The following LAMP5 variants were observed in gnomAD, a reference collection of about 807,000 sequenced individuals.
LAMP5 encodes lysosome-associated membrane glycoprotein 5.
In LAMP5, 36 loss-of-function variants were observed where a neutral mutation model predicts 30.2. That is an observed-to-expected ratio of 1.19 (90% confidence interval 0.91 to 1.57). The LOEUF is 1.57. LAMP5 is among the 40% of genes most tolerant of loss of function. LAMP5 has a pLI of 0.00. For synonymous variants in LAMP5, 149 were observed against 134.6 expected (o/e 1.11, Z -0.74); for missense variants, 377 against 354.9 (o/e 1.06, Z -0.50).
Position 9,515,995 on chromosome 20 carries a change from C to A in LAMP5, c.238-5C>A. ...TGAGGGGGCGCGGGGCGTCTGTGTT[C>A]CCAGCTGATCACAGAACAGGCCGAT... is the stretch of plus-strand genomic sequence containing the variant. On this transcript the variant is annotated splice_region_variant and splice_polypyrimidine_tract_variant and intron_variant, in intron 2 of 5. Coordinates refer to ENST00000246070, the MANE Select transcript of LAMP5 (RefSeq NM_012261.4). 6.6e-7 allele frequency: 1 copy of A among 1,504,472 alleles called. No homozygotes were observed. Among genetic ancestry groups the A allele is most frequent in the Non-Finnish European group, 8.9e-7 (1 of 1,129,118 alleles). The allele number at this position is 1,504,472 out of a possible 1,614,324, so 93.2% of individuals were successfully genotyped here.
intron 5 of LAMP5, 127 bp downstream of exon 5, chr20:9,518,355 T>C: frequency 1.4e-6 from 1 of 733,952 alleles, no homozygotes; most frequent in Admixed American, 2.8e-5. Flanking sequence ...ACTGCCTGCC[T>C]CTTTAATAAT....
chr20:9,527,864 A>C (rs969905935), intron 5 of LAMP5, among the ~76,000 whole-genome samples: 6 of 152,220 alleles, frequency 3.9e-5, no homozygotes, highest in African/African-American at 4.8e-5. Context: ...GCTGAAAAAT[A>C]AATCAACACT....
chr20:9,521,113 G>T (rs1167501720), intron 5 of LAMP5, among the ~76,000 whole-genome samples: 1 of 152,186 alleles, frequency 6.6e-6, no homozygotes, highest in Non-Finnish European at 1.5e-5. Flanking sequence ...TTTGTGAGAA[G>T]GGAAGCCCCT....
rs758094275 is a variant in LAMP5 at position 9,518,226 on chromosome 20, A to G, written c.662A>G (p.Glu221Gly). The G allele has an allele frequency of 6.2e-7, 1 of 1,613,890 alleles. No individual in the cohort carries two copies. Among genetic ancestry groups the G allele is most frequent in the African/African-American group, 1.3e-5 (1 of 74,910 alleles). Residue 221 changes from glutamate to glycine, a missense_variant and splice_region_variant, in exon 5 of 6, where the codon GAA becomes GGA. Physicochemically the swap from Glu to Gly is moderately conservative, Grantham distance 98. Transcript: ENST00000246070. Reference protein sequence around the residue: ...FDIISDFVFSEEHKCPVDERE... With the variant: ...FDIISDFVFSGEHKCPVDERE... ...ATTATCTCAGATTTTGTCTTCAGTGAAGGTAAGTTGTTGGGGGATGGAGGG... is the reference window on the plus strand; with the variant it reads ...ATTATCTCAGATTTTGTCTTCAGTGGAGGTAAGTTGTTGGGGGATGGAGGG...
intron 5 of LAMP5, among the ~76,000 whole-genome samples, chr20:9,524,284 T>G (rs1281521465): frequency 6.6e-6 from 1 of 152,132 alleles, no homozygotes; most frequent in East Asian, 1.9e-4. Flanking sequence ...GGGTCCTTAG[T>G]TTTATTATAC....
chr20:9,529,870 T>C lies in LAMP5; in HGVS notation c.*50T>C, dbSNP rs778454490. On this transcript the variant is annotated 3_prime_UTR_variant, in exon 6 of 6. Coordinates refer to ENST00000246070, the MANE Select transcript of LAMP5 (RefSeq NM_012261.4). ...TTCCTGCTCCCCCAACTGGATCAGG[T>C]AGAACAACAAAAGCACTTTTCCATC... is the stretch of plus-strand genomic sequence containing the variant. The C allele has an allele frequency of 1.3e-5, 20 of 1,568,260 alleles. No individual in the cohort carries two copies. Among genetic ancestry groups the C allele is most frequent in the South Asian group, 1.1e-5 (1 of 88,470 alleles).
intron 5 of LAMP5, among the ~76,000 whole-genome samples, chr20:9,528,323 C>T (rs1379877077): frequency 1.1e-4 from 16 of 145,628 alleles, no homozygotes; most frequent in African/African-American, 3.1e-4. Context: ...TGTGTGTGTG[C>T]GTGTGTGTGT....
intron 5 of LAMP5, among the ~76,000 whole-genome samples, chr20:9,521,437 A>G (rs2045079179): frequency 6.6e-6 from 1 of 152,196 alleles, no homozygotes; most frequent in South Asian, 2.1e-4. Context: ...AAATAATTGG[A>G]TGTGTAAAGA....
intron 2 of LAMP5, 105 bp from the exon 3 acceptor site, chr20:9,515,895 A>G: frequency 7.6e-7 from 1 of 1,311,210 alleles, no homozygotes; most frequent in Non-Finnish European, 1.0e-6. Flanking sequence ...CGCGCGCGCA[A>G]AGGAGCGCCC....
rs746132396 is a variant in LAMP5, at chr20:9,518,165, A to G, written c.601A>G (p.Met201Val). ...TAGTGATCCGCAGAAGACGGTCACCATGATCCTGTCTGCGGTCCACATCCA... is the reference window on the plus strand; with the variant it reads ...TAGTGATCCGCAGAAGACGGTCACCGTGATCCTGTCTGCGGTCCACATCCA... ...ASSDPQKTVT[M>V]ILSAVHIQPF... Residue 201 changes from methionine to valine, a missense_variant, in exon 5 of 6, where the codon ATG (methionine) becomes GTG (valine). Transcript: ENST00000246070. The G allele has an allele frequency of 1.6e-5, 26 of 1,614,200 alleles. No individual in the cohort carries two copies. The highest frequency in any genetic ancestry group is 1.9e-5 in the Non-Finnish European group (23 of 1,180,020).
In LAMP5 at chr20:9,528,630, TAAC is replaced by T. The variant is rs1037134075; in HGVS notation, c.665-1009_665-1007del. On this transcript the variant is annotated intron_variant, in intron 5 of 5. Coordinates refer to ENST00000246070, the MANE Select transcript of LAMP5 (RefSeq NM_012261.4). ...ATGAATAGTGTGTATCAATAAAAAATAACAAAGTAATCAACAAATCTAAAATGT... is the reference window on the plus strand; with the variant it reads ...ATGAATAGTGTGTATCAATAAAAAATAAAGTAATCAACAAATCTAAAATGT... 5.1e-4 allele frequency among the ~76,000 whole-genome samples: 77 copies of T among 152,232 alleles called. 2 individuals carry two copies. The highest frequency in any genetic ancestry group is 1.7e-3 in the African/African-American group (69 of 41,568).
chr20:9,517,951 T>C lies in LAMP5; in HGVS notation c.476-89T>C, dbSNP rs1961004133. 4.3e-6 allele frequency: 5 copies of C among 1,165,912 alleles called. No individual in the cohort carries two copies. The Admixed American group carries it at 9.7e-5, about 23-fold the overall frequency. The allele number at this position is 1,165,912 out of a possible 1,614,324, so 72.2% of individuals were successfully genotyped here. A position where few individuals can be genotyped will look rare whatever the true frequency, so the allele number is the denominator to read the frequency against. On this transcript the variant is annotated intron_variant, in intron 4 of 5. Transcript: ENST00000246070. ...CAGAGAGGACAGGAGGGGTGTGGTG[T>C]CTGGAACTGAGAGGCAATAGCCAGC...
At chr20:9,525,354 A>G (rs1568945260) in intron 5 of LAMP5, among the ~76,000 whole-genome samples, 1 of 152,198 alleles carries the variant, frequency 6.6e-6, no homozygotes, top group Non-Finnish European at 1.5e-5. Flanking sequence ...ACTCTGTGCC[A>G]GGCACTGTGC....
chr20:9,525,356 G>A (rs2045105500), intron 5 of LAMP5, among the ~76,000 whole-genome samples: 1 of 152,172 alleles, frequency 6.6e-6, no homozygotes, highest in South Asian at 2.1e-4. Flanking sequence ...TCTGTGCCAG[G>A]CACTGTGCTT....
chr20:9,517,280 T>G (rs2045047261), intron 4 of LAMP5, among the ~76,000 whole-genome samples: 1 of 152,112 alleles, frequency 6.6e-6, no homozygotes. Context: ...GAGGCAGACC[T>G]TCAGAGGGGA....
chr20:9,529,878 C>G lies in LAMP5; in HGVS notation c.*58C>G. The stretch of plus-strand genomic sequence containing the variant: ...CCCCCAACTGGATCAGGTAGAACAA[C>G]AAAAGCACTTTTCCATCTTGTACAC... On this transcript the variant is annotated 3_prime_UTR_variant, in exon 6 of 6. Coordinates refer to ENST00000246070, the MANE Select transcript of LAMP5 (RefSeq NM_012261.4). The G allele has an allele frequency of 6.5e-7, 1 of 1,543,634 alleles. No homozygotes were observed. The highest frequency in any genetic ancestry group is 1.2e-5 in the South Asian group (1 of 86,686).
Position 9,516,084 on chromosome 20 carries a change from G to C in LAMP5, c.322G>C (p.Val108Leu). 1 of 1,547,082 alleles carries C rather than the reference G, an allele frequency of 6.5e-7. No homozygotes were observed. The highest frequency in any genetic ancestry group is 8.7e-7 in the Non-Finnish European group (1 of 1,153,002). ...TGGCCACAGCCAGTCGGAGCTGCAA[G>C]TGTTCTGGGTGGATCGCGCATATGC... ...RCGHSQSELQ[V>L]FWVDRAYALK... The change falls in exon 3 of 6, where the codon GTG becomes CTG. Residue 108 changes from valine (V) to leucine (L), a missense_variant. By Grantham distance (32) the Val-to-Leu change is conservative. Coordinates refer to ENST00000246070, the MANE Select transcript of LAMP5 (RefSeq NM_012261.4).
intron 5 of LAMP5, among the ~76,000 whole-genome samples, chr20:9,525,249 C>G (rs548618706): frequency 1.4e-4 from 21 of 152,184 alleles, no homozygotes; most frequent in Admixed American, 1.2e-3. Flanking sequence ...ACTTTTGGTA[C>G]TTGAGCTCCA....
intron 5 of LAMP5, among the ~76,000 whole-genome samples, chr20:9,520,601 G>GTT (rs2045073427): frequency 6.6e-6 from 1 of 151,934 alleles, no homozygotes; most frequent in African/African-American, 2.4e-5. Context: ...GTGTGTGTGT[G>GTT]TGTGTTTGTG....
Sources: allele counts gnomAD v4.1 joint callset (sites outside exome capture counted in the v4.1 genomes callset), GRCh38; gene constraint gnomAD v4.1.1; transcripts MANE v1.5; gene names NCBI Gene and HGNC (gene_info 2026-07-23, HGNC 2026-07-21).